The following EPC2 variants were observed in gnomAD, a reference collection of about 807,000 sequenced individuals.
EPC2 encodes the protein enhancer of polycomb 2.
EPC2 carries 14 observed loss-of-function variants against 92.1 expected under a neutral mutation model. The observed-to-expected ratio is 0.15, with a 90% CI of 0.10 to 0.24. The LOEUF (loss-of-function observed/expected upper bound fraction) is 0.24. Ranked by LOEUF, EPC2 falls within the 10% of genes least tolerant of loss-of-function variation. EPC2 has a pLI of 1.00. For synonymous variants in EPC2, 340 were observed against 334.7 expected (o/e 1.02, Z -0.17); for missense variants, 755 against 971.5 (o/e 0.78, Z 2.96).
At chr2:148,646,453 TAC>T (rs1047616282) in intron 1 of EPC2, among the ~76,000 whole-genome samples, 1 of 152,134 alleles carries the variant, frequency 6.6e-6, no homozygotes, top group Non-Finnish European at 1.5e-5. Flanking sequence ...ACTGTGTGTG[TAC>T]ACACACAAAT....
At chr2:148,670,129 C>T (rs986557868) in intron 1 of EPC2, among the ~76,000 whole-genome samples, 2 of 152,166 alleles carry the variant, frequency 1.3e-5, no homozygotes, top group South Asian at 2.1e-4. Context: ...CTTCATGAAG[C>T]CTTCTGCCTC....
chr2:148,732,384 T>A (rs971748933), intron 2 of EPC2, among the ~76,000 whole-genome samples: 9 of 149,532 alleles, frequency 6.0e-5, no homozygotes, highest in African/African-American at 1.5e-4. Context: ...TTTTTGTCTT[T>A]TTTTTTTTTT....
chr2:148,727,183 A>C (rs1682516232), intron 2 of EPC2, among the ~76,000 whole-genome samples: 1 of 152,200 alleles, frequency 6.6e-6, no homozygotes, highest in South Asian at 2.1e-4. Context: ...TTTATTGAAG[A>C]GACTGTCCTT....
chr2:148,749,840 AAGTTAATGAGC>A (rs1299194504), intron 3 of EPC2, among the ~76,000 whole-genome samples: 1 of 152,134 alleles, frequency 6.6e-6, no homozygotes, highest in Non-Finnish European at 1.5e-5. Flanking sequence ...ATGTTATATA[AAGTTAATGAGC>A]AGTCAGATTA....
At chr2:148,740,882 T>C (rs1263673684) in intron 2 of EPC2, among the ~76,000 whole-genome samples, 1 of 152,180 alleles carries the variant, frequency 6.6e-6, no homozygotes, top group African/African-American at 2.4e-5. Flanking sequence ...CATTGGACTG[T>C]CATTATGTGC....
intron 12 of EPC2, among the ~76,000 whole-genome samples, chr2:148,784,410 A>AC (rs1683819662): frequency 6.6e-6 from 1 of 152,200 alleles, no homozygotes; most frequent in Non-Finnish European, 1.5e-5. Context: ...ACTTAACTCC[A>AC]CAGTTGCCAG....
intron 4 of EPC2, among the ~76,000 whole-genome samples, chr2:148,760,352 T>C (rs1208197212): frequency 6.6e-6 from 1 of 152,128 alleles, no homozygotes; most frequent in African/African-American, 2.4e-5. Context: ...AGGGGAGCCA[T>C]CTAAAAGGTT....
At chr2:148,646,595 T>G (rs1052998934) in intron 1 of EPC2, among the ~76,000 whole-genome samples, 1 of 55,304 alleles carries the variant, frequency 1.8e-5, no homozygotes. Flanking sequence ...TTTTTGTATG[T>G]GAGAACTTTT....
At chr2:148,694,306 A>T (rs1300791332) in intron 2 of EPC2, among the ~76,000 whole-genome samples, 1 of 152,198 alleles carries the variant, frequency 6.6e-6, no homozygotes, top group Non-Finnish European at 1.5e-5. Flanking sequence ...ATCTGTTATG[A>T]AAGTGAGACA....
At position 148,774,623 on chromosome 2, in the gene EPC2, T is replaced by TATA. The variant is rs527305174; in HGVS notation, c.1720+3236_1720+3237insATA. On this transcript the variant is annotated intron_variant, in intron 10 of 13. Coordinates refer to ENST00000258484, the MANE Select transcript of EPC2 (RefSeq NM_015630.4). ...CCCTGACTCAAAAAAAAAAATATATTTTATATATATATATATATGCATGTA... is the reference window on the plus strand; with the variant it reads ...CCCTGACTCAAAAAAAAAAATATATTATATTATATATATATATATATGCATGTA... 5.7e-4 allele frequency among the ~76,000 whole-genome samples: 82 copies of TATA among 143,272 alleles called. 1 individual carries two copies. Among genetic ancestry groups the TATA allele is most frequent in the East Asian group, 4.4e-3 (19 of 4,294 alleles). The allele number at this position is 143,272 out of a possible 152,430, so 94.0% of individuals were successfully genotyped here. A position where few individuals can be genotyped will look rare whatever the true frequency, so the allele number is the denominator to read the frequency against.
At chr2:148,701,064 G>A (rs747666415) in intron 2 of EPC2, among the ~76,000 whole-genome samples, 7 of 151,912 alleles carry the variant, frequency 4.6e-5, no homozygotes, top group African/African-American at 9.7e-5. Context: ...TTCAAATACC[G>A]AGTGTTCATT....
intron 2 of EPC2, among the ~76,000 whole-genome samples, chr2:148,706,017 A>C (rs997241254): frequency 7.2e-5 from 11 of 152,220 alleles, no homozygotes; most frequent in Non-Finnish European, 1.5e-4. Flanking sequence ...AATTGACAGA[A>C]GTAGGCTTCA....
At chr2:148,718,565 C>T (rs1449663072) in intron 2 of EPC2, among the ~76,000 whole-genome samples, 2 of 152,128 alleles carry the variant, frequency 1.3e-5, no homozygotes, top group Non-Finnish European at 1.5e-5. Context: ...AATATTGACC[C>T]GCAGTCTCTT....
intron 1 of EPC2, among the ~76,000 whole-genome samples, chr2:148,685,782 A>G (rs1412276093): frequency 2.6e-5 from 4 of 152,214 alleles, no homozygotes; most frequent in Non-Finnish European, 4.4e-5. Context: ...ATAAAAATAA[A>G]AAAATAAAAG....
At position 148,743,771 on chromosome 2, in the gene EPC2, C is replaced by T. The variant is rs374360686; in HGVS notation, c.459+4C>T. On this transcript the variant is annotated splice_donor_region_variant and intron_variant, in intron 3 of 13. Coordinates refer to ENST00000258484, the MANE Select transcript of EPC2 (RefSeq NM_015630.4). ...TGAAAAAGCCAGTTCTAATCAGGTA[C>T]TGTACCATGTAAAGATGTCTCTTAT... 3 of 1,554,706 alleles carry T rather than the reference C, an allele frequency of 1.9e-6. No homozygotes were observed. Among genetic ancestry groups the T allele is most frequent in the Non-Finnish European group, 2.6e-6 (3 of 1,156,504 alleles).
chr2:148,713,498 T>C (rs1022589069), intron 2 of EPC2, among the ~76,000 whole-genome samples: 2 of 152,138 alleles, frequency 1.3e-5, no homozygotes, highest in African/African-American at 4.8e-5. Context: ...CAGTAAGCTG[T>C]TTATTATTAG....
intron 2 of EPC2, among the ~76,000 whole-genome samples, chr2:148,722,808 G>T (rs1682410106): frequency 6.6e-6 from 1 of 152,206 alleles, no homozygotes; most frequent in South Asian, 2.1e-4. Flanking sequence ...TAAAGAAAAT[G>T]TGGTACATAT....
At chr2:148,753,162 G>A (rs1683111195) in intron 3 of EPC2, among the ~76,000 whole-genome samples, 1 of 152,144 alleles carries the variant, frequency 6.6e-6, no homozygotes, top group African/African-American at 2.4e-5. Flanking sequence ...AATGTTTACA[G>A]CCTTAATTTG....
At chr2:148,651,857 G>A (rs1045968303) in intron 1 of EPC2, among the ~76,000 whole-genome samples, 1 of 152,102 alleles carries the variant, frequency 6.6e-6, no homozygotes, top group Non-Finnish European at 1.5e-5. Flanking sequence ...TTCAGAGGAA[G>A]AAACTGAAAC....
Sources: gnomAD v4.1 joint callset for allele counts (sites outside exome capture counted in the v4.1 genomes callset) on GRCh38, gnomAD v4.1.1 for gene constraint, MANE v1.5 for transcripts, NCBI Gene and HGNC (gene_info 2026-07-23, HGNC 2026-07-21) for gene names.